The following SLIT2 variants were observed in gnomAD, a reference collection of about 807,000 sequenced individuals.
SLIT2 encodes the protein slit homolog 2 protein.
SLIT2 carries 41 observed loss-of-function variants against 185.7 expected under a neutral mutation model. That is an observed-to-expected ratio of 0.22 (90% CI 0.17 to 0.29). The LOEUF is 0.29. Ranked by LOEUF, SLIT2 falls within the 10% of genes least tolerant of loss-of-function variation. The probability of loss-of-function intolerance (pLI) is 1.00; values close to 1 mark genes in which losing one functional copy is unlikely to be tolerated. For missense variants in SLIT2, 1,571 were observed against 1,909.0 expected, an observed-to-expected ratio of 0.82 and a Z score of 3.30; for synonymous variants, 693 against 680.2, an observed-to-expected ratio of 1.02 and a Z score of -0.29.
At chr4:20,503,081 G>A (rs574295464) in intron 9 of SLIT2, among the ~76,000 whole-genome samples, 37 of 152,274 alleles carry the variant, frequency 2.4e-4, no homozygotes, top group African/African-American at 8.9e-4. Context: ...CTGGGGCATA[G>A]TCACAATGTT....
intron 33 of SLIT2, among the ~76,000 whole-genome samples, chr4:20,602,839 C>T (rs1046776133): frequency 6.6e-6 from 1 of 151,890 alleles, no homozygotes; most frequent in Non-Finnish European, 1.5e-5. Context: ...CCTACAAATC[C>T]AGGTTTTTGT....
chr4:20,263,976 G>T (rs1387870126), intron 3 of SLIT2, among the ~76,000 whole-genome samples: 1 of 151,796 alleles, frequency 6.6e-6, no homozygotes, highest in Non-Finnish European at 1.5e-5. Context: ...GTCAACTGAA[G>T]AGATGTGAAG....
At chr4:20,460,509 G>A (rs543008244) in intron 4 of SLIT2, among the ~76,000 whole-genome samples, 1 of 152,206 alleles carries the variant, frequency 6.6e-6, no homozygotes, top group Non-Finnish European at 1.5e-5. Context: ...CTTAGCGTTT[G>A]TCAGGAATAT....
intron 4 of SLIT2, among the ~76,000 whole-genome samples, chr4:20,396,937 G>A (rs1725942301): frequency 6.7e-6 from 1 of 148,656 alleles, no homozygotes; most frequent in Non-Finnish European, 1.5e-5. Context: ...TTTACTCATG[G>A]TAAATATATG....
chr4:20,294,731 G>C lies in SLIT2; in HGVS notation c.395+25850G>C, dbSNP rs142691723. ...TTTATGGATGAAAAAGCTGAAGATT[G>C]ACTAGCCTTGTTAATGAAAGGTAGA... On this transcript the variant is annotated intron_variant, in intron 4 of 36. Coordinates refer to ENST00000504154, the MANE Select transcript of SLIT2 (RefSeq NM_004787.4). Among the ~76,000 whole-genome samples, 287 of 152,250 alleles carry C rather than the reference G, an allele frequency of 1.9e-3. 1 individual carries two copies. Among genetic ancestry groups the C allele is most frequent in the African/African-American group, 5.6e-3 (232 of 41,564 alleles).
At chr4:20,574,429 C>T (rs184316441) in intron 29 of SLIT2, among the ~76,000 whole-genome samples, 3 of 152,272 alleles carry the variant, frequency 2.0e-5, no homozygotes, top group Admixed American at 1.3e-4. Context: ...AGGAACACAA[C>T]GTGTGCTTGT....
At chr4:20,350,089 T>C (rs1721738142) in intron 4 of SLIT2, among the ~76,000 whole-genome samples, 1 of 152,186 alleles carries the variant, frequency 6.6e-6, no homozygotes, top group Non-Finnish European at 1.5e-5. Context: ...TTGGCATAAA[T>C]TACTAAGAGG....
intron 4 of SLIT2, among the ~76,000 whole-genome samples, chr4:20,280,838 T>TTTTTTTTTTG (rs1311214835): frequency 5.3e-5 from 8 of 151,710 alleles, no homozygotes; most frequent in African/African-American, 1.5e-4. Context: ...AAAATGTTTT[T>TTTTTTTTTTG]TTTTTTTTTT....
intron 4 of SLIT2, among the ~76,000 whole-genome samples, chr4:20,437,880 A>G (rs560754873): frequency 1.2e-4 from 16 of 138,896 alleles, no homozygotes; most frequent in African/African-American, 4.4e-4. Flanking sequence ...ACGCCACTGC[A>G]CTCCAGCCTG....
At chr4:20,432,663 A>G (rs2109506754) in intron 4 of SLIT2, among the ~76,000 whole-genome samples, 1 of 152,234 alleles carries the variant, frequency 6.6e-6, no homozygotes, top group Non-Finnish European at 1.5e-5. Flanking sequence ...AGTATTTCTC[A>G]CAACGTGATG....
intron 28 of SLIT2, among the ~76,000 whole-genome samples, chr4:20,568,505 G>A (rs945057899): frequency 1.3e-5 from 2 of 151,860 alleles, no homozygotes; most frequent in Non-Finnish European, 2.9e-5. Context: ...TATGAGCAAA[G>A]AAGCCTGAAT....
intron 4 of SLIT2, among the ~76,000 whole-genome samples, chr4:20,433,360 A>G (rs1286798311): frequency 6.6e-6 from 1 of 152,242 alleles, no homozygotes; most frequent in African/African-American, 2.4e-5. Context: ...ATTAAACCCT[A>G]TAATAACATA....
intron 4 of SLIT2, among the ~76,000 whole-genome samples, chr4:20,452,298 G>A (rs1344922121): frequency 1.3e-5 from 2 of 152,306 alleles, no homozygotes; most frequent in East Asian, 3.9e-4. Flanking sequence ...TGGGGCAAAT[G>A]TGTTCATCTT....
At chr4:20,274,158 A>G (rs1298893966) in intron 4 of SLIT2, among the ~76,000 whole-genome samples, 1 of 152,172 alleles carries the variant, frequency 6.6e-6, no homozygotes, top group Non-Finnish European at 1.5e-5. Flanking sequence ...TGCTAAGGGG[A>G]ACAGATTGAC....
chr4:20,529,768 A>G (rs923423961), intron 16 of SLIT2, among the ~76,000 whole-genome samples: 1 of 152,170 alleles, frequency 6.6e-6, no homozygotes, highest in African/African-American at 2.4e-5. Context: ...TAAGAAGAGG[A>G]CCTTTAATGT....
intron 4 of SLIT2, among the ~76,000 whole-genome samples, chr4:20,285,353 A>G (rs1412290727): frequency 3.3e-5 from 5 of 152,162 alleles, no homozygotes; most frequent in African/African-American, 1.2e-4. Context: ...GCATCCAGGA[A>G]GTGTGCTCTG....
intron 4 of SLIT2, among the ~76,000 whole-genome samples, chr4:20,321,853 G>A (rs60044461): frequency 5.3e-5 from 8 of 151,718 alleles, no homozygotes; most frequent in Non-Finnish European, 1.2e-4. Context: ...TTTATCAGTG[G>A]CTTGATCCAT....
At chr4:20,313,953 A>G (rs550333738) in intron 4 of SLIT2, among the ~76,000 whole-genome samples, 1 of 152,286 alleles carries the variant, frequency 6.6e-6, no homozygotes, top group African/African-American at 2.4e-5. Flanking sequence ...TCATGTTCTT[A>G]TAGCTATTTT....
rs1722162005 is a variant in SLIT2 at position 20,253,034 on chromosome 4, A to C, written c.-782A>C. On this transcript the variant is annotated 5_prime_UTR_variant, in exon 1 of 37. Coordinates refer to ENST00000504154, the MANE Select transcript of SLIT2 (RefSeq NM_004787.4). ...GACCTCGGGGCAGGTCCTGGTGCAG[A>C]GCGTCGCCAAGGACGCCGAGCGGGA... Among the ~76,000 whole-genome samples, 1 of 152,002 alleles carries C rather than the reference A, an allele frequency of 6.6e-6. No homozygotes were observed. Among genetic ancestry groups the C allele is most frequent in the South Asian group, 2.1e-4 (1 of 4,810 alleles).
Sources: allele counts gnomAD v4.1 joint callset (sites outside exome capture counted in the v4.1 genomes callset), GRCh38; gene constraint gnomAD v4.1.1; transcripts MANE v1.5; gene names NCBI Gene and HGNC (gene_info 2026-07-23, HGNC 2026-07-21).